TMEM163: variants seen among roughly 807,000 people sequenced by gnomAD.
TMEM163 encodes transmembrane protein 163.
A neutral mutation model predicts 29.3 loss-of-function variants in TMEM163; 17 were observed. That is an observed-to-expected ratio of 0.58 (90% CI 0.40 to 0.87). The LOEUF is 0.87. TMEM163 is among the 40% of genes least tolerant of loss of function. TMEM163 has a pLI of 0.00. For synonymous variants in TMEM163, 157 were observed against 160.6 expected (o/e 0.98, Z 0.17); for missense variants, 303 against 381.5 (o/e 0.79, Z 1.71).
intron 2 of TMEM163, among the ~76,000 whole-genome samples, chr2:134,669,473 C>T (rs553341293): frequency 6.6e-6 from 1 of 152,374 alleles, no homozygotes; most frequent in Admixed American, 6.5e-5. Flanking sequence ...TTCCAAAGCT[C>T]ATCAGTTATA....
At chr2:134,663,373 G>A (rs115376215) in intron 2 of TMEM163, among the ~76,000 whole-genome samples, 2,353 of 152,292 alleles carry the variant, frequency 0.015, 68 homozygotes, top group African/African-American at 0.05. Context: ...ACAGAATTCA[G>A]TAGGAGCCAC....
At chr2:134,478,168 C>T (rs1410188987) in intron 5 of TMEM163, among the ~76,000 whole-genome samples, 1 of 152,112 alleles carries the variant, frequency 6.6e-6, no homozygotes, top group Non-Finnish European at 1.5e-5. Flanking sequence ...AGAAGTCCAG[C>T]AGATGTTGGT....
intron 2 of TMEM163, among the ~76,000 whole-genome samples, chr2:134,667,899 T>G (rs189197945): frequency 6.6e-6 from 1 of 152,350 alleles, no homozygotes; most frequent in Admixed American, 6.5e-5. Flanking sequence ...ACATTTAGAA[T>G]ATTTTATTCT....
chr2:134,673,243 G>A (rs960915998), intron 2 of TMEM163, among the ~76,000 whole-genome samples: 3 of 152,018 alleles, frequency 2.0e-5, no homozygotes, highest in African/African-American at 4.8e-5. Context: ...TCATGAGCTC[G>A]CATTGGCACG....
intron 2 of TMEM163, among the ~76,000 whole-genome samples, chr2:134,706,372 C>T (rs1042784422): frequency 4.3e-4 from 65 of 152,160 alleles, no homozygotes; most frequent in Admixed American, 3.9e-3. Context: ...AAACTGACTC[C>T]GGTCCAACCA....
chr2:134,666,510 C>T (rs1683876030), intron 2 of TMEM163, among the ~76,000 whole-genome samples: 1 of 152,244 alleles, frequency 6.6e-6, no homozygotes, highest in South Asian at 2.1e-4. Flanking sequence ...TCTCCACCTT[C>T]AGCACAGCCA....
At chr2:134,618,695 A>T (rs1379225976) in intron 2 of TMEM163, among the ~76,000 whole-genome samples, 2 of 151,944 alleles carry the variant, frequency 1.3e-5, no homozygotes, top group Non-Finnish European at 2.9e-5. Flanking sequence ...AAATCCAATT[A>T]GAAAGCAACA....
chr2:134,482,299 G>T (rs1418116402), intron 5 of TMEM163, among the ~76,000 whole-genome samples: 3 of 152,136 alleles, frequency 2.0e-5, no homozygotes, highest in Admixed American at 2.0e-4. Context: ...CTCATCAAGG[G>T]TGACACCAGC....
chr2:134,559,564 T>C (rs1309626825), intron 2 of TMEM163, among the ~76,000 whole-genome samples: 1 of 152,138 alleles, frequency 6.6e-6, no homozygotes, highest in Non-Finnish European at 1.5e-5. Flanking sequence ...TCTGCCTGTC[T>C]GGAGAGCAAG....
rs144686503 is a variant in TMEM163, at chr2:134,658,445, T to A, written c.322+54755A>T. On this transcript the variant is annotated intron_variant, in intron 2 of 7. Transcript: ENST00000281924. ...AATATGAAAAATTAAATATTTTTCA[T>A]GAGTTTTTGGAGGACAGATCCTGGT... Among the ~76,000 whole-genome samples, 611 of 152,244 alleles carry A rather than the reference T, an allele frequency of 4.0e-3. 6 individuals carry two copies. Among genetic ancestry groups the A allele is most frequent in the African/African-American group, 0.014 (575 of 41,534 alleles).
intron 4 of TMEM163, among the ~76,000 whole-genome samples, chr2:134,511,159 G>T (rs1300716375): frequency 2.0e-5 from 3 of 150,232 alleles, no homozygotes; most frequent in Non-Finnish European, 4.4e-5. Context: ...AAGGCGGGGG[G>T]GGGTGCTGTT....
Position 134,681,687 on chromosome 2 carries a change from A to G in TMEM163, c.322+31513T>C, listed in dbSNP as rs1251671766. Among the ~76,000 whole-genome samples the G allele has an allele frequency of 3.9e-5, 6 of 152,156 alleles. No homozygotes were observed. The East Asian group carries it at 1.2e-3, about 29-fold the overall frequency. On this transcript the variant is annotated intron_variant, in intron 2 of 7. Transcript: ENST00000281924. ...GAGACAGTATACTCTTGGTTTACAA[A>G]TCATCCCACACTGCATTCCTCCTGA...
intron 2 of TMEM163, among the ~76,000 whole-genome samples, chr2:134,571,135 C>A (rs773698458): frequency 2.6e-5 from 4 of 152,176 alleles, no homozygotes; most frequent in Non-Finnish European, 4.4e-5. Flanking sequence ...ATTTCTTCAA[C>A]AAGTTCCCCT....
At chr2:134,457,296 T>C (rs1373609357) in intron 7 of TMEM163, among the ~76,000 whole-genome samples, 1 of 152,176 alleles carries the variant, frequency 6.6e-6, no homozygotes, top group Non-Finnish European at 1.5e-5. Context: ...CCTCCCGCAG[T>C]GTATACCAAG....
At chr2:134,590,089 C>T (rs1681906477) in intron 2 of TMEM163, among the ~76,000 whole-genome samples, 1 of 151,204 alleles carries the variant, frequency 6.6e-6, no homozygotes, top group Non-Finnish European at 1.5e-5. Flanking sequence ...TTCATGCCCT[C>T]TCCCACCCTC....
chr2:134,458,237 G>T, intron 6 of TMEM163, 64 bp from the exon 7 acceptor site: 1 of 1,591,614 alleles, frequency 6.3e-7, no homozygotes, highest in Non-Finnish European at 8.6e-7. Flanking sequence ...TCACCCAAAT[G>T]CCAGTCCTGC....
At chr2:134,516,453 C>T (rs1007457278) in intron 4 of TMEM163, among the ~76,000 whole-genome samples, 5 of 151,564 alleles carry the variant, frequency 3.3e-5, no homozygotes, top group African/African-American at 1.2e-4. Context: ...CCTAGCTACT[C>T]GGGAAGTTGA....
At position 134,659,942 on chromosome 2, in the gene TMEM163, G is replaced by GA. The variant is rs914783958; in HGVS notation, c.322+53257dup. On this transcript the variant is annotated intron_variant, in intron 2 of 7. Transcript: ENST00000281924. ...ACAGAGCAAGACCCCATCTCTGAGG[G>GA]AAAAAAAAAGGTCAACAAAGACAAG... Among the ~76,000 whole-genome samples the GA allele has an allele frequency of 1.8e-4, 27 of 150,404 alleles. 1 individual carries two copies. The highest frequency in any genetic ancestry group is 5.9e-4 in the African/African-American group (24 of 40,920).
chr2:134,550,414 T>C (rs1680888134), intron 4 of TMEM163, among the ~76,000 whole-genome samples, 156 bp downstream of exon 4: 1 of 152,168 alleles, frequency 6.6e-6, no homozygotes, highest in African/African-American at 2.4e-5. Context: ...CCCTACCACA[T>C]GGCTGGCATT....
Sources: gnomAD v4.1 joint callset for allele counts (sites outside exome capture counted in the v4.1 genomes callset) on GRCh38, gnomAD v4.1.1 for gene constraint, MANE v1.5 for transcripts, NCBI Gene and HGNC (gene_info 2026-07-23, HGNC 2026-07-21) for gene names.